ERBB4: variants seen among roughly 807,000 people sequenced by gnomAD.
ERBB4 encodes receptor tyrosine-protein kinase erbB-4.
ERBB4 carries 42 observed loss-of-function variants against 158.0 expected under a neutral mutation model. The observed-to-expected ratio is 0.27, with a 90% CI of 0.21 to 0.34. The LOEUF (loss-of-function observed/expected upper bound fraction) is 0.34, where lower values mean the gene tolerates loss of function less well. ERBB4 is among the 10% of genes least tolerant of loss of function. ERBB4 has a pLI of 1.00. For synonymous variants in ERBB4, 583 were observed against 558.7 expected, an observed-to-expected ratio of 1.04 and a Z score of -0.61; for missense variants, 1,333 against 1,624.1, an observed-to-expected ratio of 0.82 and a Z score of 3.08.
chr2:211,847,171 G>A (rs2077610948), intron 3 of ERBB4, among the ~76,000 whole-genome samples: 1 of 152,012 alleles, frequency 6.6e-6, no homozygotes, highest in African/African-American at 2.4e-5. Flanking sequence ...AATTATGCAG[G>A]GAGTCAGTTT....
intron 4 of ERBB4, among the ~76,000 whole-genome samples, chr2:211,774,073 ATTT>A (rs113991569): frequency 1.4e-5 from 2 of 142,132 alleles, no homozygotes; most frequent in Non-Finnish European, 3.1e-5. Flanking sequence ...ACCCCAACCA[ATTT>A]TTTTTTTTTT....
intron 2 of ERBB4, among the ~76,000 whole-genome samples, chr2:212,114,577 A>G (rs2079516299): frequency 6.6e-6 from 1 of 152,166 alleles, no homozygotes; most frequent in Non-Finnish European, 1.5e-5. Flanking sequence ...TGTAATCCAT[A>G]TTTGCTTGTA....
chr2:211,719,617 A>T (rs1343155420), intron 7 of ERBB4, among the ~76,000 whole-genome samples: 2 of 152,034 alleles, frequency 1.3e-5, no homozygotes, highest in Non-Finnish European at 2.9e-5. Flanking sequence ...GCACTTTGGG[A>T]GGCCGAGGCG....
At chr2:211,407,496 A>G (rs1284560980) in intron 25 of ERBB4, among the ~76,000 whole-genome samples, 1 of 152,212 alleles carries the variant, frequency 6.6e-6, no homozygotes. Context: ...TATTGTTGGA[A>G]AAAGCAAACT....
intron 13 of ERBB4, among the ~76,000 whole-genome samples, chr2:211,674,836 A>G (rs945270292): frequency 1.3e-5 from 2 of 152,166 alleles, no homozygotes; most frequent in African/African-American, 2.4e-5. Context: ...TTAAAAGTTT[A>G]TGGTACTAAA....
At chr2:212,061,019 T>C (rs2125421215) in intron 2 of ERBB4, among the ~76,000 whole-genome samples, 1 of 151,544 alleles carries the variant, frequency 6.6e-6, no homozygotes, top group Middle Eastern at 3.4e-3. Context: ...AAAAATATTT[T>C]GGAATAGATA....
intron 3 of ERBB4, among the ~76,000 whole-genome samples, chr2:211,832,418 T>C (rs1393810935): frequency 1.3e-5 from 2 of 152,102 alleles, no homozygotes; most frequent in Non-Finnish European, 1.5e-5. Context: ...CTGTCACAAA[T>C]AAAATGATTC....
At chr2:211,695,786 A>G (rs960325211) in intron 12 of ERBB4, among the ~76,000 whole-genome samples, 22 of 152,236 alleles carry the variant, frequency 1.4e-4, no homozygotes, top group Middle Eastern at 6.8e-3. Flanking sequence ...TTATCCCCCA[A>G]AAGGCATTTT....
intron 2 of ERBB4, among the ~76,000 whole-genome samples, chr2:211,973,618 T>C (rs971105337): frequency 1.3e-5 from 2 of 152,184 alleles, no homozygotes; most frequent in African/African-American, 2.4e-5. Flanking sequence ...AAAGAATACT[T>C]ATACACTGTT....
At chr2:211,963,059 G>C (rs1395230572) in intron 2 of ERBB4, among the ~76,000 whole-genome samples, 2 of 152,006 alleles carry the variant, frequency 1.3e-5, no homozygotes, top group African/African-American at 4.8e-5. Flanking sequence ...AATTATGTTA[G>C]CACCTGTGAT....
At chr2:212,439,498 T>TG (rs892956881) in intron 1 of ERBB4, among the ~76,000 whole-genome samples, 2 of 150,162 alleles carry the variant, frequency 1.3e-5, no homozygotes, top group African/African-American at 4.9e-5. Context: ...TTTCTCCCCA[T>TG]GAAAAAAAAA....
chr2:211,640,491 A>T (rs2070538640), intron 16 of ERBB4, among the ~76,000 whole-genome samples: 1 of 152,158 alleles, frequency 6.6e-6, no homozygotes, highest in South Asian at 2.1e-4. Context: ...TATATGTGTT[A>T]TGTCAAATAA....
intron 20 of ERBB4, among the ~76,000 whole-genome samples, chr2:211,541,071 T>G (rs12694240): frequency 6.6e-6 from 1 of 151,538 alleles, no homozygotes; most frequent in Non-Finnish European, 1.5e-5. Flanking sequence ...TCTAAGAAAC[T>G]GTATCAATTG....
chr2:212,300,315 CTTGATT>C (rs1326571040), intron 1 of ERBB4, among the ~76,000 whole-genome samples: 6 of 151,536 alleles, frequency 4.0e-5, no homozygotes, highest in Non-Finnish European at 7.4e-5. Context: ...TTCACATGCT[CTTGATT>C]TTAACATTTT....
At chr2:211,682,434 T>C (rs760849424) in intron 12 of ERBB4, among the ~76,000 whole-genome samples, 1 of 152,132 alleles carries the variant, frequency 6.6e-6, no homozygotes, top group Non-Finnish European at 1.5e-5. Flanking sequence ...TCACTTAGTA[T>C]ACCAATTCAA....
At chr2:212,175,607 A>AT (rs772882128) in intron 1 of ERBB4, among the ~76,000 whole-genome samples, 10,790 of 134,128 alleles carry the variant, frequency 0.08, 565 homozygotes, top group African/African-American at 0.16. Flanking sequence ...CAGAATATGT[A>AT]TTTTTTTTTT....
At chr2:212,455,390 T>C (rs991057755) in intron 1 of ERBB4, among the ~76,000 whole-genome samples, 1 of 152,198 alleles carries the variant, frequency 6.6e-6, no homozygotes, top group African/African-American at 2.4e-5. Flanking sequence ...AGTAGCAGCC[T>C]CTAGCCCTGA....
At position 211,535,975 on chromosome 2, in the gene ERBB4, T is replaced by TG. The variant is rs1559270900; in HGVS notation, c.2487+25927_2487+25928insC. Among the ~76,000 whole-genome samples the TG allele has an allele frequency of 5.9e-5, 9 of 151,890 alleles. No individual in the cohort carries two copies. The South Asian group carries it at 1.9e-3, about 32-fold the overall frequency. On this transcript the variant is annotated intron_variant, in intron 20 of 27. Coordinates refer to ENST00000342788, the MANE Select transcript of ERBB4 (RefSeq NM_005235.3). ...GTTCTTGAAGATACATTTCCCTGTT[T>TG]TTTTAAATTTAAAGAACACCAAGAG...
At chr2:212,386,027 A>G (rs940909445) in intron 1 of ERBB4, among the ~76,000 whole-genome samples, 1 of 151,860 alleles carries the variant, frequency 6.6e-6, no homozygotes, top group African/African-American at 2.4e-5. Flanking sequence ...CTTACCAGCG[A>G]AGACCAGTCA....
Sources: gnomAD v4.1 joint callset for allele counts (sites outside exome capture counted in the v4.1 genomes callset) on GRCh38, gnomAD v4.1.1 for gene constraint, MANE v1.5 for transcripts, NCBI Gene and HGNC (gene_info 2026-07-23, HGNC 2026-07-21) for gene names.